NPIPB7: variants seen among roughly 807,000 people sequenced by gnomAD.
NPIPB7 encodes nuclear pore complex-interacting protein family member B7.
For missense variants in NPIPB7, 14 were observed against 238.5 expected (o/e 0.06, Z 6.20); for synonymous variants, 9 against 88.1 (o/e 0.10, Z 5.03).
At chr16:28,468,799 T>C (rs1366178427) in intron 1 of NPIPB7, among the ~76,000 whole-genome samples, 7 of 82,826 alleles carry the variant, frequency 8.5e-5, no homozygotes, top group African/African-American at 2.0e-4. Context: ...AGAGTGAGAC[T>C]CTGTCTCAAA....
At chr16:28,470,725 G>A (rs1316698987), upstream of NPIPB7, among the ~76,000 whole-genome samples, 1 of 150,926 alleles carries the variant, frequency 6.6e-6, no homozygotes, top group African/African-American at 2.4e-5. Flanking sequence ...AGGAGGAGAA[G>A]AAGAAAGGGG....
At chr16:28,461,407 C>T (rs1170133831) in intron 4 of NPIPB7, among the ~76,000 whole-genome samples, 6 of 141,778 alleles carry the variant, frequency 4.2e-5, no homozygotes, top group East Asian at 2.6e-4. Flanking sequence ...CAATTCATTG[C>T]TAAATATTTT....
At chr16:28,467,486 T>C (rs2045911393) in intron 1 of NPIPB7, among the ~76,000 whole-genome samples, 1 of 145,086 alleles carries the variant, frequency 6.9e-6, no homozygotes, top group Non-Finnish European at 1.5e-5. Context: ...CTTGAACTCC[T>C]GGCAGGCGAT....
At chr16:28,462,256 G>T (rs1212464079) in intron 4 of NPIPB7, among the ~76,000 whole-genome samples, 1 of 147,786 alleles carries the variant, frequency 6.8e-6, no homozygotes, top group Non-Finnish European at 1.5e-5. Flanking sequence ...CCCATCTCTA[G>T]TAAAAATACA....
At chr16:28,472,145 GC>G (rs1567251267), upstream of NPIPB7, among the ~76,000 whole-genome samples, 1 of 152,218 alleles carries the variant, frequency 6.6e-6, no homozygotes, top group African/African-American at 2.4e-5. Context: ...TGGTGCAGTG[GC>G]CCACGCCTGT....
At chr16:28,471,869 G>T (rs1256677100), upstream of NPIPB7, among the ~76,000 whole-genome samples, 1 of 152,040 alleles carries the variant, frequency 6.6e-6, no homozygotes, top group Non-Finnish European at 1.5e-5. Context: ...TGACCTCTCA[G>T]GGATGTCCAA....
intron 2 of NPIPB7, among the ~76,000 whole-genome samples, chr16:28,463,421 ACACAC>A (rs2045884041): frequency 8.7e-6 from 1 of 115,440 alleles, no homozygotes; most frequent in African/African-American, 3.2e-5. Context: ...ACACACACAC[ACACAC>A]ACACACAAGA....
chr16:28,462,126 A>G (rs1014487898), intron 4 of NPIPB7, among the ~76,000 whole-genome samples: 3 of 139,420 alleles, frequency 2.2e-5, no homozygotes, highest in African/African-American at 2.9e-5. Context: ...CAAAATTTAA[A>G]AAAAAAAAAA....
At chr16:28,471,892 T>A (rs897320003), upstream of NPIPB7, among the ~76,000 whole-genome samples, 1 of 152,170 alleles carries the variant, frequency 6.6e-6, no homozygotes, top group Non-Finnish European at 1.5e-5. Context: ...AATCTGTGCA[T>A]GGTGGCACCT....
chr16:28,462,387 G>A (rs2045877258), intron 4 of NPIPB7, among the ~76,000 whole-genome samples: 2 of 148,242 alleles, frequency 1.3e-5, no homozygotes, highest in Non-Finnish European at 3.0e-5. Context: ...CTACAGCCTG[G>A]GCAACAACAG....
chr16:28,468,685 C>T (rs372890663), intron 1 of NPIPB7, among the ~76,000 whole-genome samples: 36 of 141,382 alleles, frequency 2.5e-4, no homozygotes, highest in African/African-American at 7.2e-4. Context: ...CACGTGCCTA[C>T]AGTTCCAGCT....
chr16:28,462,257 T>G (rs1418511440), intron 4 of NPIPB7, among the ~76,000 whole-genome samples: 1 of 146,568 alleles, frequency 6.8e-6, no homozygotes, highest in East Asian at 2.1e-4. Context: ...CCATCTCTAG[T>G]AAAAATACAA....
At position 28,459,051 on chromosome 16, in the gene NPIPB7, C is replaced by CA. The variant is rs1322365379; in HGVS notation, c.546-461dup. 1.9e-4 allele frequency among the ~76,000 whole-genome samples: 20 copies of CA among 107,774 alleles called. 2 individuals carry two copies. Among genetic ancestry groups the CA allele is most frequent in the Non-Finnish European group, 2.3e-4 (11 of 48,508 alleles). 70.7% of individuals were successfully genotyped at this position (107,774 alleles called of 152,430 possible). A position where few individuals can be genotyped will look rare whatever the true frequency, so the allele number is the denominator to read the frequency against. On this transcript the variant is annotated intron_variant, in intron 4 of 6. Transcript: ENST00000452313. ...AGAAAAACAAAAACAAAAACAAAAACAAAAAAACTGTACGGTCTGATCCAA... is the reference window on the plus strand; with the variant it reads ...AGAAAAACAAAAACAAAAACAAAAACAAAAAAAACTGTACGGTCTGATCCAA...
chr16:28,463,702 G>T (rs2045886597), intron 2 of NPIPB7, among the ~76,000 whole-genome samples: 1 of 86,042 alleles, frequency 1.2e-5, no homozygotes, highest in Non-Finnish European at 2.6e-5. Context: ...CTCCAAACCT[G>T]GGCAACAAAA....
intron 1 of NPIPB7, among the ~76,000 whole-genome samples, chr16:28,468,388 CTAAA>C (rs1230616972): frequency 6.9e-6 from 1 of 145,724 alleles, no homozygotes; most frequent in Non-Finnish European, 1.5e-5. Flanking sequence ...AAGAATCCCT[CTAAA>C]TAATACTTCT....
At chr16:28,463,649 C>A (rs1169310849) in intron 2 of NPIPB7, among the ~76,000 whole-genome samples, 1 of 119,150 alleles carries the variant, frequency 8.4e-6, no homozygotes, top group Non-Finnish European at 1.8e-5. Context: ...TCACTTGAAC[C>A]CAGCAAGAAA....
chr16:28,459,027 GAAAAAC>G (rs998324493), intron 4 of NPIPB7, among the ~76,000 whole-genome samples: 13 of 115,904 alleles, frequency 1.1e-4, no homozygotes, highest in South Asian at 7.4e-4. Context: ...CGCCATCTCA[GAAAAAC>G]AAAAACAAAA....
chr16:28,463,703 G>C (rs1340788771), intron 2 of NPIPB7, among the ~76,000 whole-genome samples: 34 of 83,540 alleles, frequency 4.1e-4, no homozygotes, highest in African/African-American at 1.1e-3. Flanking sequence ...TCCAAACCTG[G>C]GCAACAAAAT....
At chr16:28,457,570 TAAG>T (rs1323369357) in intron 6 of NPIPB7, among the ~76,000 whole-genome samples, 1 of 81,316 alleles carries the variant, frequency 1.2e-5, no homozygotes, top group African/African-American at 4.2e-5. Flanking sequence ...GCTCCAAATC[TAAG>T]AAAACAGAGG....
Sources: allele counts gnomAD v4.1 joint callset (sites outside exome capture counted in the v4.1 genomes callset), GRCh38; gene constraint gnomAD v4.1.1; transcripts MANE v1.5; gene names NCBI Gene and HGNC (gene_info 2026-07-23, HGNC 2026-07-21).